Variants in RNF217 observed in about 807,000 individuals in gnomAD.
The protein encoded by RNF217 is ring finger protein 217, also known as E3 ubiquitin-protein ligase RNF217.
Under a neutral mutation model 57.8 loss-of-function variants are expected in RNF217, and 31 were observed. The observed-to-expected ratio is 0.54, with a 90% CI of 0.40 to 0.72. RNF217 has a LOEUF of 0.72. Ranked by LOEUF, RNF217 falls within the 30% of genes least tolerant of loss-of-function variation. The probability of loss-of-function intolerance (pLI) is 0.00; values close to 1 mark genes in which losing one functional copy is unlikely to be tolerated. For missense variants in RNF217, 696 were observed against 708.3 expected (o/e 0.98, Z 0.20); for synonymous variants, 313 against 294.0 (o/e 1.06, Z -0.66).
chr6:125,003,860 A>G (rs1192097541), intron 1 of RNF217, among the ~76,000 whole-genome samples: 3 of 152,096 alleles, frequency 2.0e-5, no homozygotes, highest in Non-Finnish European at 2.9e-5. Context: ...TAATCTTGTT[A>G]GGTACGTGGT....
chr6:125,024,056 A>T, intron 1 of RNF217, among the ~76,000 whole-genome samples: 1 of 152,216 alleles, frequency 6.6e-6, no homozygotes, highest in East Asian at 1.9e-4. Flanking sequence ...GAAAATTGCC[A>T]AGAGAGTAGA....
At chr6:125,034,455 C>A (rs1308972797) in intron 1 of RNF217, among the ~76,000 whole-genome samples, 9 of 152,146 alleles carry the variant, frequency 5.9e-5, no homozygotes, top group Non-Finnish European at 1.2e-4. Context: ...AATAGGGAAT[C>A]CTTTCCCCAT....
chr6:125,046,898 G>GA (rs912755829), intron 2 of RNF217, among the ~76,000 whole-genome samples: 10 of 151,894 alleles, frequency 6.6e-5, no homozygotes, highest in African/African-American at 1.2e-4. Context: ...ATAACTGTTA[G>GA]AAAAAAATCC....
intron 1 of RNF217, among the ~76,000 whole-genome samples, chr6:124,980,123 T>C (rs1431830214): frequency 1.7e-4 from 26 of 152,166 alleles, no homozygotes; most frequent in Non-Finnish European, 1.5e-5. Flanking sequence ...CTCGAAGGGA[T>C]TTTTTGTTTG....
chr6:125,060,787 C>T (rs150134896), intron 3 of RNF217, among the ~76,000 whole-genome samples: 42 of 152,220 alleles, frequency 2.8e-4, no homozygotes, highest in African/African-American at 9.9e-4. Context: ...GGTGATATAA[C>T]ATCAGATAGA....
intron 3 of RNF217, among the ~76,000 whole-genome samples, chr6:125,069,898 T>C (rs1240993587): frequency 6.6e-6 from 1 of 152,178 alleles, no homozygotes; most frequent in Non-Finnish European, 1.5e-5. Flanking sequence ...CCGTTGGTTT[T>C]TGGTTACATG....
chr6:124,979,408 C>T (rs1443390916), intron 1 of RNF217, among the ~76,000 whole-genome samples: 3 of 152,104 alleles, frequency 2.0e-5, no homozygotes, highest in Admixed American at 6.5e-5. Flanking sequence ...GTGACCATGA[C>T]TGGAAAGGGG....
intron 1 of RNF217, among the ~76,000 whole-genome samples, chr6:125,005,406 G>A (rs1785143564): frequency 6.6e-6 from 1 of 152,126 alleles, no homozygotes; most frequent in Non-Finnish European, 1.5e-5. Context: ...CATAACATAA[G>A]GGTACAAGGT....
chr6:125,029,547 G>A (rs964742573), intron 1 of RNF217, among the ~76,000 whole-genome samples: 3 of 152,144 alleles, frequency 2.0e-5, no homozygotes, highest in Admixed American at 1.3e-4. Context: ...AAAAGGCTCC[G>A]TTGAAGTTTC....
At chr6:124,992,415 A>G (rs1784593311) in intron 1 of RNF217, among the ~76,000 whole-genome samples, 2 of 152,202 alleles carry the variant, frequency 1.3e-5, no homozygotes, top group South Asian at 4.1e-4. Flanking sequence ...CTAAGAGGCT[A>G]TAGAACATTG....
At position 124,963,306 on chromosome 6, in the gene RNF217, C is replaced by G. The variant is rs1443553866; in HGVS notation, c.762C>G (p.Pro254=). 1 of 1,535,640 alleles carries G rather than the reference C, an allele frequency of 6.5e-7. No individual in the cohort carries two copies. The highest frequency in any genetic ancestry group is 1.4e-5 in the African/African-American group (1 of 73,046). The change falls in exon 1 of 6, where the codon CCC becomes CCG. Residue 254 remains proline, a synonymous_variant. Transcript: ENST00000521654. ...PYSGLGGVGD[P]YVPLMVLMCR... The stretch of plus-strand genomic sequence containing the variant: ...CTGGCCTGGGCGGTGTAGGGGATCC[C>G]TATGTGCCCCTCATGGTGCTGATGT...
intron 1 of RNF217, among the ~76,000 whole-genome samples, chr6:125,023,667 C>T (rs1241898765): frequency 1.3e-5 from 2 of 152,188 alleles, no homozygotes; most frequent in Non-Finnish European, 2.9e-5. Context: ...GATATGGAAA[C>T]CACCTAAGTG....
chr6:124,973,128 A>C (rs917664761), intron 1 of RNF217, among the ~76,000 whole-genome samples: 2 of 152,212 alleles, frequency 1.3e-5, no homozygotes, highest in African/African-American at 4.8e-5. Flanking sequence ...TGAAAATTTC[A>C]GTATTTCATT....
chr6:125,014,167 T>G (rs1016104582), intron 1 of RNF217, among the ~76,000 whole-genome samples: 5 of 152,264 alleles, frequency 3.3e-5, no homozygotes, highest in Middle Eastern at 3.4e-3. Flanking sequence ...GAATGGATGG[T>G]CATTAACTAA....
chr6:124,990,727 C>T (rs1784529679), intron 1 of RNF217, among the ~76,000 whole-genome samples: 1 of 152,088 alleles, frequency 6.6e-6, no homozygotes, highest in Admixed American at 6.6e-5. Context: ...GCAGTAAAAT[C>T]TTAACTATTC....
intron 1 of RNF217, among the ~76,000 whole-genome samples, chr6:124,975,940 A>T (rs1783938970): frequency 6.6e-6 from 1 of 151,668 alleles, no homozygotes; most frequent in African/African-American, 2.4e-5. Context: ...TATTTTTCCT[A>T]TGTTATCATT....
chr6:124,966,275 C>G (rs1330078128), intron 1 of RNF217, among the ~76,000 whole-genome samples: 1 of 152,170 alleles, frequency 6.6e-6, no homozygotes, highest in African/African-American at 2.4e-5. Flanking sequence ...TTGTGTTTCT[C>G]TGTCACTTAA....
rs971543238 is a variant in RNF217 at position 125,090,205 on chromosome 6, C to A, written c.*7268C>A. On this transcript the variant is annotated 3_prime_UTR_variant, in exon 6 of 6. Transcript: ENST00000521654. ...ATATATATAAAACCATTTACCTTGA[C>A]AAGGACAATCTGTTACAGATTTTTA... 2.6e-5 allele frequency: 4 copies of A among 151,926 alleles called. No homozygotes were observed. The highest frequency in any genetic ancestry group is 5.9e-5 in the Non-Finnish European group (4 of 67,936). 9.4% of individuals were successfully genotyped at this position (151,926 alleles called of 1,614,324 possible).
intron 3 of RNF217, among the ~76,000 whole-genome samples, chr6:125,069,010 G>T (rs1187891582): frequency 2.0e-5 from 3 of 152,154 alleles, no homozygotes; most frequent in Non-Finnish European, 4.4e-5. Context: ...GGGGCAGTGG[G>T]ATCAAGGGAA....
Sources: allele counts gnomAD v4.1 joint callset (sites outside exome capture counted in the v4.1 genomes callset), GRCh38; gene constraint gnomAD v4.1.1; transcripts MANE v1.5; gene names NCBI Gene and HGNC (gene_info 2026-07-23, HGNC 2026-07-21).